ITPR1: variants seen among roughly 807,000 people sequenced by gnomAD.
ITPR1 encodes inositol 1,4,5-trisphosphate receptor type 1.
In ITPR1, 96 loss-of-function variants were observed where a neutral mutation model predicts 318.4. The ratio of observed to expected loss-of-function variants is 0.30; its 90% CI spans 0.26 to 0.36. The LOEUF (loss-of-function observed/expected upper bound fraction) is 0.36, where lower values mean the gene tolerates loss of function less well. Among genes scored for constraint, ITPR1 ranks in the 10% least tolerant of loss-of-function variants. ITPR1 has a pLI of 1.00. For missense variants in ITPR1, 2,440 were observed against 3,460.2 expected (o/e 0.71, Z 7.40); for synonymous variants, 1,312 against 1,289.9 (o/e 1.02, Z -0.37).
At chr3:4,547,953 C>T (rs1045295803) in intron 4 of ITPR1, among the ~76,000 whole-genome samples, 1 of 152,152 alleles carries the variant, frequency 6.6e-6, no homozygotes, top group African/African-American at 2.4e-5. Context: ...AGCATAGCTA[C>T]AGGATTGGCT....
chr3:4,798,655 G>T (rs766476338), intron 53 of ITPR1, among the ~76,000 whole-genome samples: 2 of 152,222 alleles, frequency 1.3e-5, no homozygotes, highest in Non-Finnish European at 2.9e-5. Flanking sequence ...AATGTTTCTA[G>T]TAGCATTATT....
At chr3:4,637,040 A>G (rs1405745314) in intron 5 of ITPR1, among the ~76,000 whole-genome samples, 3 of 152,258 alleles carry the variant, frequency 2.0e-5, no homozygotes, top group African/African-American at 7.2e-5. Context: ...GGGAATGCTC[A>G]TGAGCAGTTT....
chr3:4,708,817 A>C (rs759843594), intron 37 of ITPR1, among the ~76,000 whole-genome samples: 18 of 152,236 alleles, frequency 1.2e-4, no homozygotes, highest in Non-Finnish European at 2.5e-4. Flanking sequence ...AAGTTGTAAT[A>C]TAAGAAATTC....
intron 40 of ITPR1, among the ~76,000 whole-genome samples, chr3:4,718,551 C>T (rs577407551): frequency 6.6e-6 from 1 of 152,332 alleles, no homozygotes; most frequent in Non-Finnish European, 1.5e-5. Flanking sequence ...GAATGGAGCT[C>T]AGAGAGGCTA....
At chr3:4,701,665 C>G (rs1173534359) in intron 35 of ITPR1, among the ~76,000 whole-genome samples, 1 of 152,174 alleles carries the variant, frequency 6.6e-6, no homozygotes, top group Non-Finnish European at 1.5e-5. Context: ...CGTCACTTCT[C>G]TTTTCTTTTG....
intron 12 of ITPR1, among the ~76,000 whole-genome samples, chr3:4,655,791 G>A (rs1050734385): frequency 5.9e-5 from 9 of 152,116 alleles, no homozygotes; most frequent in Non-Finnish European, 8.8e-5. Context: ...TGGCTACTTC[G>A]ATGTTGATTG....
At chr3:4,736,945 G>C (rs535778471) in intron 44 of ITPR1, among the ~76,000 whole-genome samples, 31 of 152,342 alleles carry the variant, frequency 2.0e-4, no homozygotes, top group Middle Eastern at 6.8e-3. Context: ...TCCAGGCATA[G>C]TCAAGTGTGG....
intron 17 of ITPR1, among the ~76,000 whole-genome samples, chr3:4,665,890 T>C (rs78278834): frequency 0.061 from 9,281 of 152,240 alleles, 331 homozygotes; most frequent in Non-Finnish European, 0.084. Flanking sequence ...TGCTACATCA[T>C]TGGTTCTTAA....
chr3:4,784,170 G>C (rs987246297), intron 51 of ITPR1, among the ~76,000 whole-genome samples: 1 of 152,152 alleles, frequency 6.6e-6, no homozygotes, highest in Non-Finnish European at 1.5e-5. Flanking sequence ...CAGGTGGGAG[G>C]CATCATAAGA....
chr3:4,672,913 G>T (rs1469753041), intron 20 of ITPR1, among the ~76,000 whole-genome samples: 2 of 152,152 alleles, frequency 1.3e-5, no homozygotes, highest in Non-Finnish European at 2.9e-5. Flanking sequence ...ATGTGTTCCT[G>T]TTGGCTGTCA....
intron 4 of ITPR1, among the ~76,000 whole-genome samples, chr3:4,549,463 C>G (rs1300793551): frequency 6.6e-6 from 1 of 152,146 alleles, no homozygotes; most frequent in African/African-American, 2.4e-5. Context: ...AAACATCAGC[C>G]CTTGAATTTG....
intron 4 of ITPR1, among the ~76,000 whole-genome samples, chr3:4,608,705 C>CA (rs36119077): frequency 5.9e-4 from 90 of 151,960 alleles, no homozygotes; most frequent in Admixed American, 1.1e-3. Flanking sequence ...AGATGACACC[C>CA]AAAATATCAG....
At chr3:4,655,815 T>G (rs2093694369) in intron 12 of ITPR1, among the ~76,000 whole-genome samples, 1 of 152,134 alleles carries the variant, frequency 6.6e-6, no homozygotes, top group Admixed American at 6.5e-5. Flanking sequence ...GTGGGCTGCT[T>G]GCAGAGGAGG....
chr3:4,708,552 G>A (rs980422216), intron 37 of ITPR1, among the ~76,000 whole-genome samples: 2 of 152,162 alleles, frequency 1.3e-5, no homozygotes, highest in African/African-American at 4.8e-5. Context: ...AAGGCGGGAG[G>A]GATGTTGTAG....
At chr3:4,596,175 T>C (rs754306103) in intron 4 of ITPR1, 2 of 152,210 alleles carry the variant, frequency 1.3e-5, no homozygotes, top group Non-Finnish European at 2.9e-5. Context: ...TCTATGTATC[T>C]ATACTTCAGG....
At chr3:4,610,766 C>T (rs980659723) in intron 4 of ITPR1, among the ~76,000 whole-genome samples, 7 of 152,112 alleles carry the variant, frequency 4.6e-5, no homozygotes, top group Non-Finnish European at 7.4e-5. Context: ...TCCACAGGTC[C>T]GCCCAGCTAT....
chr3:4,827,444 T>C (rs2106522891), intron 60 of ITPR1, among the ~76,000 whole-genome samples: 1 of 152,356 alleles, frequency 6.6e-6, no homozygotes, highest in East Asian at 1.9e-4. Context: ...TTCAGAGTTC[T>C]TTAAAACCTG....
chr3:4,776,015 T>A (rs984910192), intron 47 of ITPR1, among the ~76,000 whole-genome samples: 2 of 152,252 alleles, frequency 1.3e-5, no homozygotes, highest in African/African-American at 4.8e-5. Context: ...GTAGAGTCAT[T>A]GCTTATACAT....
chr3:4,688,705 T>C, intron 31 of ITPR1, 85 bp downstream of exon 31: 1 of 1,374,414 alleles, frequency 7.3e-7, no homozygotes, highest in Non-Finnish European at 1.0e-6. Flanking sequence ...TTGGCTGTTG[T>C]GGCTTCTGGG....
Sources: allele counts gnomAD v4.1 joint callset (sites outside exome capture counted in the v4.1 genomes callset), GRCh38; gene constraint gnomAD v4.1.1; transcripts MANE v1.5; gene names NCBI Gene and HGNC (gene_info 2026-07-23, HGNC 2026-07-21).